The following PDE4D variants were observed in gnomAD, a reference collection of about 807,000 sequenced individuals.
PDE4D encodes the protein phosphodiesterase 4D, also known as 3',5'-cyclic-AMP phosphodiesterase 4D.
A neutral mutation model predicts 87.4 loss-of-function variants in PDE4D; 24 were observed. The observed-to-expected ratio is 0.27, with a 90% CI of 0.20 to 0.39. The LOEUF (loss-of-function observed/expected upper bound fraction) is 0.39. Among genes scored for constraint, PDE4D ranks in the 10% least tolerant of loss-of-function variants. The pLI is 1.00. For missense variants in PDE4D, 714 were observed against 1,041.0 expected, an observed-to-expected ratio of 0.69 and a Z score of 4.32; for synonymous variants, 384 against 383.2, an observed-to-expected ratio of 1.00 and a Z score of -0.02.
intron 1 of PDE4D, among the ~76,000 whole-genome samples, chr5:60,486,886 T>C (rs913406051): frequency 1.3e-5 from 2 of 152,226 alleles, no homozygotes; most frequent in Non-Finnish European, 2.9e-5. Flanking sequence ...TTATTTTTAA[T>C]GACCTACCTT....
At chr5:59,960,508 G>A (rs1759347149) in intron 3 of PDE4D, among the ~76,000 whole-genome samples, 2 of 152,238 alleles carry the variant, frequency 1.3e-5, no homozygotes, top group African/African-American at 4.8e-5. Flanking sequence ...ATACACTGTG[G>A]AATACTACAC....
chr5:59,941,843 G>C (rs1421155611), intron 3 of PDE4D, among the ~76,000 whole-genome samples: 1 of 152,216 alleles, frequency 6.6e-6, no homozygotes, highest in African/African-American at 2.4e-5. Context: ...TTCTTAGCAT[G>C]CAGTGCCTAA....
chr5:59,956,145 T>C (rs546105313), intron 3 of PDE4D, among the ~76,000 whole-genome samples: 2 of 152,290 alleles, frequency 1.3e-5, no homozygotes, highest in South Asian at 2.1e-4. Context: ...AGGTCTTAGA[T>C]GGCAGAAAAC....
At chr5:59,796,489 C>CT (rs1766494980) in intron 1 of PDE4D, among the ~76,000 whole-genome samples, 2 of 152,218 alleles carry the variant, frequency 1.3e-5, no homozygotes, top group African/African-American at 4.8e-5. Flanking sequence ...ACTGCCCCCA[C>CT]TGTCTTCAGC....
At chr5:59,097,725 G>C (rs924241019) in intron 5 of PDE4D, among the ~76,000 whole-genome samples, 20 of 152,170 alleles carry the variant, frequency 1.3e-4, no homozygotes, top group African/African-American at 4.8e-4. Flanking sequence ...GAGGAGAAGA[G>C]TCTGCTTAAA....
At chr5:59,371,482 T>C (rs1783931371) in intron 1 of PDE4D, among the ~76,000 whole-genome samples, 1 of 152,214 alleles carries the variant, frequency 6.6e-6, no homozygotes, top group Non-Finnish European at 1.5e-5. Flanking sequence ...ATATGTACTA[T>C]TTGCATCTTT....
intron 1 of PDE4D, among the ~76,000 whole-genome samples, chr5:60,422,886 G>T (rs560102327): frequency 6.6e-6 from 1 of 152,152 alleles, no homozygotes; most frequent in Non-Finnish European, 1.5e-5. Flanking sequence ...AGAAGCAGGG[G>T]TTGCAATCCT....
intron 5 of PDE4D, among the ~76,000 whole-genome samples, chr5:59,087,808 C>A (rs1389448001): frequency 6.6e-6 from 1 of 152,226 alleles, no homozygotes; most frequent in East Asian, 1.9e-4. Context: ...CTATTGACCC[C>A]CAACCTTACT....
At chr5:59,130,904 G>C (rs550543900) in intron 5 of PDE4D, among the ~76,000 whole-genome samples, 2 of 152,302 alleles carry the variant, frequency 1.3e-5, no homozygotes, top group African/African-American at 4.8e-5. Flanking sequence ...CCAGACTATT[G>C]AGTAAAGTTA....
In PDE4D at chr5:60,098,233, G is replaced by C. The variant is rs563029387; in HGVS notation, c.42+87324C>G. ...AGGAATAAGTTCTAGCATTAGATAG[G>C]ACAGTAGGAAAACTATAGTTAACAA... On this transcript the variant is annotated intron_variant, in intron 2 of 16. Transcript: ENST00000502484. Among the ~76,000 whole-genome samples the C allele has an allele frequency of 5.9e-5, 9 of 151,992 alleles. No individual in the cohort carries two copies. In the South Asian group the frequency reaches 1.9e-3, roughly 32 times the overall value.
chr5:59,780,097 C>T (rs1182204537), intron 1 of PDE4D, among the ~76,000 whole-genome samples: 2 of 152,148 alleles, frequency 1.3e-5, no homozygotes, highest in Non-Finnish European at 2.9e-5. Context: ...GGCGCGGTGG[C>T]TCACGCCTGT....
At chr5:60,281,678 A>G (rs1751918046) in intron 1 of PDE4D, among the ~76,000 whole-genome samples, 1 of 152,158 alleles carries the variant, frequency 6.6e-6, no homozygotes. Context: ...TTAATTATTA[A>G]CTTACTTAGT....
intron 1 of PDE4D, among the ~76,000 whole-genome samples, chr5:59,300,153 G>A (rs1177310783): frequency 9.6e-5 from 14 of 146,352 alleles, no homozygotes; most frequent in East Asian, 2.0e-4. Context: ...ACAGTGTCAC[G>A]TGAATCACAT....
At chr5:59,489,263 CAA>C (rs61144674) in intron 1 of PDE4D, among the ~76,000 whole-genome samples, 5 of 122,282 alleles carry the variant, frequency 4.1e-5, no homozygotes, top group Admixed American at 8.4e-5. Context: ...GACTCCATCT[CAA>C]AAAAAAAAAA....
rs931316042 is a variant in PDE4D at position 58,973,638 on chromosome 5, G to T, written c.*1026C>A. ...CTTGCTTCAGACAACACGAACTGAT[G>T]ACTGAGTTTGCATGAAGCTTAAGAC... On this transcript the variant is annotated 3_prime_UTR_variant, in exon 15 of 15. Transcript: ENST00000340635. The T allele has an allele frequency of 6.6e-6, 1 of 152,564 alleles. No homozygotes were observed. The highest frequency in any genetic ancestry group is 2.4e-5 in the African/African-American group (1 of 41,438). 9.5% of individuals were successfully genotyped at this position (152,564 alleles called of 1,614,324 possible).
intron 1 of PDE4D, among the ~76,000 whole-genome samples, chr5:59,221,089 A>G (rs914038114): frequency 2.0e-5 from 3 of 152,148 alleles, no homozygotes; most frequent in Non-Finnish European, 4.4e-5. Context: ...CCATTCGACC[A>G]TGGGGACTCT....
chr5:59,299,862 C>A (rs945666006), intron 1 of PDE4D, among the ~76,000 whole-genome samples: 2 of 152,132 alleles, frequency 1.3e-5, no homozygotes, highest in East Asian at 1.9e-4. Context: ...TTAATCCCAG[C>A]ACTTTGGGAG....
At chr5:59,082,313 T>C (rs1766908412) in intron 5 of PDE4D, among the ~76,000 whole-genome samples, 2 of 152,178 alleles carry the variant, frequency 1.3e-5, no homozygotes, top group Non-Finnish European at 2.9e-5. Flanking sequence ...CTGTCTCCAC[T>C]ATTACTGAAT....
chr5:59,794,827 G>A (rs544659265), intron 1 of PDE4D, among the ~76,000 whole-genome samples: 5 of 151,970 alleles, frequency 3.3e-5, no homozygotes, highest in Admixed American at 3.3e-4. Flanking sequence ...CTTTTTTTCA[G>A]CTGGAAAAAT....
Sources: gnomAD v4.1 joint callset for allele counts (sites outside exome capture counted in the v4.1 genomes callset) on GRCh38, gnomAD v4.1.1 for gene constraint, MANE v1.5 for transcripts, NCBI Gene and HGNC (gene_info 2026-07-23, HGNC 2026-07-21) for gene names.